GALNTL6: variants seen among roughly 807,000 people sequenced by gnomAD.
The protein encoded by GALNTL6 is polypeptide N-acetylgalactosaminyltransferase like 6, also known as polypeptide N-acetylgalactosaminyltransferase-like 6.
In GALNTL6, 46 loss-of-function variants were observed where a neutral mutation model predicts 73.7. That is an observed-to-expected ratio of 0.62 (90% CI 0.49 to 0.80). GALNTL6 has a LOEUF of 0.80. Among genes scored for constraint, GALNTL6 ranks in the 30% least tolerant of loss-of-function variants. The pLI, the probability that GALNTL6 is intolerant of heterozygous loss-of-function variation, is 0.00. For missense variants in GALNTL6, 604 were observed against 755.0 expected (o/e 0.80, Z 2.34); for synonymous variants, 259 against 263.7 (o/e 0.98, Z 0.17).
intron 2 of GALNTL6, among the ~76,000 whole-genome samples, chr4:171,922,682 C>T (rs1315885696): frequency 6.6e-6 from 1 of 152,034 alleles, no homozygotes; most frequent in East Asian, 1.9e-4. Flanking sequence ...ACACCTCCTT[C>T]TGCATATTCT....
chr4:172,649,950 T>A (rs1740400651), intron 5 of GALNTL6, among the ~76,000 whole-genome samples: 1 of 152,198 alleles, frequency 6.6e-6, no homozygotes, highest in Non-Finnish European at 1.5e-5. Flanking sequence ...GCTTCAGATG[T>A]AGCCAAGGAG....
chr4:172,469,290 A>G (rs1445082987), intron 5 of GALNTL6, among the ~76,000 whole-genome samples: 1 of 152,156 alleles, frequency 6.6e-6, no homozygotes, highest in Non-Finnish European at 1.5e-5. Context: ...GCCTTAACAA[A>G]CATAACCACA....
chr4:172,081,876 CT>C (rs201769212), intron 2 of GALNTL6, among the ~76,000 whole-genome samples: 3,134 of 143,904 alleles, frequency 0.022, 108 homozygotes, highest in African/African-American at 0.067. Context: ...TTATTTATTC[CT>C]TTTTTTTTTT....
At chr4:171,909,332 A>T (rs1477285864) in intron 2 of GALNTL6, among the ~76,000 whole-genome samples, 1 of 152,134 alleles carries the variant, frequency 6.6e-6, no homozygotes, top group African/African-American at 2.4e-5. Flanking sequence ...TATTTAAGCC[A>T]TAGATGATCC....
Position 172,219,199 on chromosome 4 carries a change from G to GTGTATATATATATA in GALNTL6, c.139-10456_139-10455insGTATATATATATAT, listed in dbSNP as rs1310041553. Among the ~76,000 whole-genome samples, 212 of 116,190 alleles carry GTGTATATATATATA rather than the reference G, an allele frequency of 1.8e-3. 3 individuals are homozygous for GTGTATATATATATA. Among genetic ancestry groups the GTGTATATATATATA allele is most frequent in the African/African-American group, 6.7e-3 (201 of 29,888 alleles). 76.2% of individuals were successfully genotyped at this position (116,190 alleles called of 152,430 possible). ...ATATAATATGTCAGATTAAGCAAGT[G>GTGTATATATATATA]TATATATATATATATATATATATAA... On this transcript the variant is annotated intron_variant, in intron 2 of 12. Coordinates refer to ENST00000506823, the MANE Select transcript of GALNTL6 (RefSeq NM_001034845.3).
At chr4:172,830,150 T>TA (rs1253283521) in intron 7 of GALNTL6, among the ~76,000 whole-genome samples, 3 of 152,182 alleles carry the variant, frequency 2.0e-5, no homozygotes, top group African/African-American at 7.2e-5. Flanking sequence ...GTAAAATAGA[T>TA]AAAGAGAATT....
At chr4:173,039,150 C>T (rs1269444885) in intron 12 of GALNTL6, among the ~76,000 whole-genome samples, 1 of 152,206 alleles carries the variant, frequency 6.6e-6, no homozygotes, top group Non-Finnish European at 1.5e-5. Context: ...TTTTCATTCA[C>T]TGAGCTGTTA....
chr4:172,939,543 C>T (rs1380940093), intron 9 of GALNTL6, among the ~76,000 whole-genome samples: 1 of 152,122 alleles, frequency 6.6e-6, no homozygotes, highest in Non-Finnish European at 1.5e-5. Flanking sequence ...TAGATAAATC[C>T]TATTAATAAA....
At chr4:173,036,557 C>A (rs2126542966) in intron 12 of GALNTL6, among the ~76,000 whole-genome samples, 1 of 152,262 alleles carries the variant, frequency 6.6e-6, no homozygotes, top group South Asian at 2.1e-4. Flanking sequence ...TTTTGCATTT[C>A]CTCTCAAGGA....
intron 5 of GALNTL6, among the ~76,000 whole-genome samples, chr4:172,606,322 C>T (rs1010509722): frequency 4.0e-5 from 6 of 151,166 alleles, no homozygotes; most frequent in East Asian, 3.9e-4. Context: ...GGCATGGTGG[C>T]GCATGCCTGT....
At chr4:172,599,016 G>A (rs1737959324) in intron 5 of GALNTL6, among the ~76,000 whole-genome samples, 1 of 152,134 alleles carries the variant, frequency 6.6e-6, no homozygotes, top group African/African-American at 2.4e-5. Flanking sequence ...GAAAGGTATG[G>A]GAAGGAGAAA....
intron 2 of GALNTL6, among the ~76,000 whole-genome samples, chr4:171,871,571 C>T (rs939621522): frequency 1.3e-5 from 2 of 151,948 alleles, no homozygotes; most frequent in African/African-American, 2.4e-5. Context: ...TTATATTGCC[C>T]GCATCCTTGT....
chr4:172,746,422 G>T (rs1006574608), intron 5 of GALNTL6, among the ~76,000 whole-genome samples: 1 of 151,986 alleles, frequency 6.6e-6, no homozygotes, highest in Admixed American at 6.6e-5. Flanking sequence ...ACACTGAAAT[G>T]TTATCAAGTT....
intron 2 of GALNTL6, among the ~76,000 whole-genome samples, chr4:172,192,504 A>T (rs1735618144): frequency 6.6e-6 from 1 of 151,978 alleles, no homozygotes; most frequent in African/African-American, 2.4e-5. Flanking sequence ...GGGACTGACT[A>T]GGCAGTCGGA....
intron 8 of GALNTL6, among the ~76,000 whole-genome samples, chr4:172,902,102 G>A (rs1746658425): frequency 6.6e-6 from 1 of 152,258 alleles, no homozygotes; most frequent in East Asian, 1.9e-4. Context: ...TTAATTTGGA[G>A]TTGCCCCTGG....
At chr4:171,873,261 A>G (rs967348907) in intron 2 of GALNTL6, among the ~76,000 whole-genome samples, 2 of 152,188 alleles carry the variant, frequency 1.3e-5, no homozygotes, top group Non-Finnish European at 2.9e-5. Flanking sequence ...ATTAGAGTAA[A>G]TCCAATGCAT....
chr4:172,059,693 G>A, intron 2 of GALNTL6, among the ~76,000 whole-genome samples: 1 of 152,080 alleles, frequency 6.6e-6, no homozygotes, highest in Non-Finnish European at 1.5e-5. Flanking sequence ...GGTTAAAAAT[G>A]TCAGGAGTCA....
At chr4:172,752,690 C>T (rs1335288593) in intron 5 of GALNTL6, among the ~76,000 whole-genome samples, 1 of 152,012 alleles carries the variant, frequency 6.6e-6, no homozygotes, top group Non-Finnish European at 1.5e-5. Context: ...CTATGTTCAA[C>T]ATTATGAAGA....
intron 2 of GALNTL6, among the ~76,000 whole-genome samples, chr4:172,108,629 G>C (rs978711987): frequency 7.9e-5 from 12 of 152,058 alleles, no homozygotes; most frequent in Admixed American, 3.3e-4. Flanking sequence ...CACAATTTTT[G>C]ATCAAATAAC....
Sources: allele counts gnomAD v4.1 joint callset (sites outside exome capture counted in the v4.1 genomes callset), GRCh38; gene constraint gnomAD v4.1.1; transcripts MANE v1.5; gene names NCBI Gene and HGNC (gene_info 2026-07-23, HGNC 2026-07-21).